Variants in HACD2 observed in about 807,000 individuals in gnomAD.
HACD2 encodes the protein 3-hydroxyacyl-CoA dehydratase 2.
In HACD2, 15 loss-of-function variants were observed where a neutral mutation model predicts 31.0. The ratio of observed to expected loss-of-function variants is 0.48; its 90% CI spans 0.32 to 0.75. The LOEUF (loss-of-function observed/expected upper bound fraction) is 0.75. Among genes scored for constraint, HACD2 ranks in the 30% least tolerant of loss-of-function variants. The pLI is 0.03. For synonymous variants in HACD2, 115 were observed against 122.2 expected (o/e 0.94, Z 0.39); for missense variants, 283 against 313.0 (o/e 0.90, Z 0.72).
In HACD2 at chr3:123,577,471, A is replaced by G. The variant is rs369730909; in HGVS notation, c.273+4741T>C. On this transcript the variant is annotated intron_variant, in intron 2 of 6. Transcript: ENST00000383657. ...CCCGTCTCTACTAAAAATACAAAAA[A>G]TTAGCCGGGTGTGGTGGCGGGCGCC... Among the ~76,000 whole-genome samples the G allele has an allele frequency of 3.0e-3, 458 of 152,128 alleles. 2 individuals are homozygous for G. The highest frequency in any genetic ancestry group is 0.011 in the African/African-American group (438 of 41,506).
intron 4 of HACD2, among the ~76,000 whole-genome samples, chr3:123,521,379 T>C (rs2056212465): frequency 6.6e-6 from 1 of 152,018 alleles, no homozygotes. Context: ...TGGAATGGGG[T>C]AGGCTAGGGC....
intron 4 of HACD2, among the ~76,000 whole-genome samples, chr3:123,515,057 T>C (rs1036371935): frequency 6.6e-6 from 1 of 152,192 alleles, no homozygotes; most frequent in Non-Finnish European, 1.5e-5. Context: ...CTAAGATTTA[T>C]TGAGCACTTA....
At chr3:123,564,389 G>A (rs146808914) in intron 3 of HACD2, among the ~76,000 whole-genome samples, 63 of 152,298 alleles carry the variant, frequency 4.1e-4, no homozygotes, top group African/African-American at 1.3e-3. Flanking sequence ...AAGGGACAAG[G>A]AAAGAAAGAA....
At chr3:123,500,748 G>T in intron 5 of HACD2, 55 bp from the exon 6 acceptor site, 1 of 1,221,914 alleles carries the variant, frequency 8.2e-7, no homozygotes, top group East Asian at 2.4e-5. Flanking sequence ...TTAGAAGGAA[G>T]CTGCACTTCC....
chr3:123,552,726 G>A (rs2056632500), intron 3 of HACD2, among the ~76,000 whole-genome samples: 1 of 151,874 alleles, frequency 6.6e-6, no homozygotes, highest in East Asian at 1.9e-4. Context: ...TTCAAAAACT[G>A]AAAATAGAAA....
intron 4 of HACD2, among the ~76,000 whole-genome samples, chr3:123,519,582 T>G (rs1192339931): frequency 6.6e-6 from 1 of 152,246 alleles, no homozygotes. Context: ...TCACTGTGCG[T>G]GACAACTATC....
intron 3 of HACD2, among the ~76,000 whole-genome samples, chr3:123,531,649 C>A (rs2056363060): frequency 6.6e-6 from 1 of 152,210 alleles, no homozygotes; most frequent in Non-Finnish European, 1.5e-5. Context: ...TATCCACACA[C>A]ACACACAACG....
intron 4 of HACD2, among the ~76,000 whole-genome samples, chr3:123,520,657 T>G (rs939997657): frequency 6.6e-6 from 1 of 152,232 alleles, no homozygotes; most frequent in African/African-American, 2.4e-5. Flanking sequence ...ACTAAAAACT[T>G]ACTTTTTTGT....
rs1016757187 is a variant in HACD2 at position 123,567,841 on chromosome 3, T to C, written c.274-61A>G. ...TAAGAATCAAGATATTAAAGTTTTA[T>C]TTCATATAAACTAATGTTTCAGTAA... On this transcript the variant is annotated intron_variant, in intron 2 of 6. Coordinates refer to ENST00000383657, the MANE Select transcript of HACD2 (RefSeq NM_198402.5). The C allele has an allele frequency of 2.6e-6, 3 of 1,141,506 alleles. No homozygotes were observed. In the African/African-American group the frequency reaches 4.8e-5, roughly 18 times the overall value. The allele number at this position is 1,141,506 out of a possible 1,614,324, so 70.7% of individuals were successfully genotyped here. A position where few individuals can be genotyped will look rare whatever the true frequency, so the allele number is the denominator to read the frequency against.
chr3:123,583,893 A>T (rs1234390967), intron 1 of HACD2, among the ~76,000 whole-genome samples: 2 of 152,314 alleles, frequency 1.3e-5, no homozygotes. Flanking sequence ...TGTATCACCT[A>T]CTTTAAATAA....
intron 2 of HACD2, among the ~76,000 whole-genome samples, chr3:123,572,593 T>A (rs535331245): frequency 6.6e-6 from 1 of 152,378 alleles, no homozygotes; most frequent in South Asian, 2.1e-4. Flanking sequence ...CTGATTTTAG[T>A]TTTAAAATTT....
In HACD2 at chr3:123,568,513, T is replaced by C. The variant is rs566501267; in HGVS notation, c.274-733A>G. ...CTCAAGTACAACCATTTCTAAGTCC[T>C]GCTGGCGATTCTGGGGTCTGTCTTC... is the stretch of plus-strand genomic sequence containing the variant. On this transcript the variant is annotated intron_variant, in intron 2 of 6. Transcript: ENST00000383657. 2.0e-5 allele frequency among the ~76,000 whole-genome samples: 3 copies of C among 152,340 alleles called. No homozygotes were observed. The East Asian group carries it at 5.8e-4, about 29-fold the overall frequency.
intron 3 of HACD2, among the ~76,000 whole-genome samples, chr3:123,567,501 C>T (rs544847227): frequency 6.6e-6 from 1 of 152,316 alleles, no homozygotes; most frequent in East Asian, 1.9e-4. Flanking sequence ...ATTACCCTTA[C>T]ACTGAGAAGG....
At chr3:123,572,418 G>C (rs2056864539) in intron 2 of HACD2, among the ~76,000 whole-genome samples, 2 of 152,134 alleles carry the variant, frequency 1.3e-5, no homozygotes, top group African/African-American at 4.8e-5. Flanking sequence ...TGAGGCAGGA[G>C]GATCACTTGA....
intron 4 of HACD2, among the ~76,000 whole-genome samples, chr3:123,512,140 T>A (rs2056071307): frequency 6.6e-6 from 1 of 152,188 alleles, no homozygotes; most frequent in Admixed American, 6.5e-5. Context: ...GCAGCACCAA[T>A]GGACTAAGAT....
intron 2 of HACD2, among the ~76,000 whole-genome samples, chr3:123,576,945 AG>A (rs1378977167): frequency 6.6e-6 from 1 of 152,224 alleles, no homozygotes; most frequent in East Asian, 1.9e-4. Context: ...AGAGTGAGAC[AG>A]GAACACACAG....
chr3:123,493,954 A>C lies in HACD2; in HGVS notation c.*934T>G, dbSNP rs1407013790. 2 of 152,206 alleles carry C rather than the reference A, an allele frequency of 1.3e-5. No individual in the cohort carries two copies. The highest frequency in any genetic ancestry group is 2.9e-5 in the Non-Finnish European group (2 of 68,046). 9.4% of individuals were successfully genotyped at this position (152,206 alleles called of 1,614,324 possible). ...AATGTTTTTCCTGACTACCTTTCTAAAGCAACACCTTCCATGTGCTTTCAC... is the reference window on the plus strand; with the variant it reads ...AATGTTTTTCCTGACTACCTTTCTACAGCAACACCTTCCATGTGCTTTCAC... On this transcript the variant is annotated 3_prime_UTR_variant, in exon 7 of 7. Coordinates refer to ENST00000383657, the MANE Select transcript of HACD2 (RefSeq NM_198402.5).
At chr3:123,499,203 C>T (rs961359618) in intron 6 of HACD2, 1 of 161,924 alleles carries the variant, frequency 6.2e-6, no homozygotes, top group Non-Finnish European at 1.4e-5. Flanking sequence ...TTAGTTACTC[C>T]GGGTGTGGTA....
chr3:123,517,892 A>C, intron 4 of HACD2, among the ~76,000 whole-genome samples: 1 of 152,156 alleles, frequency 6.6e-6, no homozygotes, highest in African/African-American at 2.4e-5. Context: ...GGGCTTGTAC[A>C]GTGCTTTAAA....
Sources: gnomAD v4.1 joint callset for allele counts (sites outside exome capture counted in the v4.1 genomes callset) on GRCh38, gnomAD v4.1.1 for gene constraint, MANE v1.5 for transcripts, NCBI Gene and HGNC (gene_info 2026-07-23, HGNC 2026-07-21) for gene names.